MCTP2: variants seen among roughly 807,000 people sequenced by gnomAD.
The protein encoded by MCTP2 is multiple C2 and transmembrane domain containing 2, also known as multiple C2 and transmembrane domain-containing protein 2.
MCTP2 carries 132 observed loss-of-function variants against 111.6 expected under a neutral mutation model. The ratio of observed to expected loss-of-function variants is 1.18; its 90% CI spans 1.03 to 1.37. MCTP2 has a LOEUF of 1.37. MCTP2 is among the 40% of genes most tolerant of loss of function. The pLI, the probability that MCTP2 is intolerant of heterozygous loss-of-function variation, is 0.00. For synonymous variants in MCTP2, 395 were observed against 387.7 expected, an observed-to-expected ratio of 1.02 and a Z score of -0.22; for missense variants, 1,183 against 1,067.9, an observed-to-expected ratio of 1.11 and a Z score of -1.50.
intron 20 of MCTP2, among the ~76,000 whole-genome samples, chr15:94,465,146 AATT>A (rs756868159): frequency 1.4e-4 from 21 of 152,042 alleles, no homozygotes; most frequent in Non-Finnish European, 3.1e-4. Flanking sequence ...TAGATGTTAA[AATT>A]ATTATATTTT....
intron 12 of MCTP2, among the ~76,000 whole-genome samples, chr15:94,381,318 TTCTC>T (rs368569436): frequency 2.6e-5 from 4 of 152,256 alleles, no homozygotes; most frequent in East Asian, 1.9e-4. Flanking sequence ...TTCTTCTTGC[TTCTC>T]TCTGTTTATA....
intron 1 of MCTP2, among the ~76,000 whole-genome samples, chr15:94,253,044 C>A (rs1015474761): frequency 1.3e-5 from 2 of 152,166 alleles, no homozygotes; most frequent in African/African-American, 4.8e-5. Context: ...ACCTCTGCTT[C>A]CCTCAGCTGA....
chr15:94,430,227 C>G (rs1323324514), intron 17 of MCTP2, among the ~76,000 whole-genome samples: 2 of 152,152 alleles, frequency 1.3e-5, no homozygotes. Flanking sequence ...TAGCAACTCC[C>G]TTAGAATAAA....
At chr15:94,380,980 C>T (rs2080104142) in intron 12 of MCTP2, among the ~76,000 whole-genome samples, 1 of 152,174 alleles carries the variant, frequency 6.6e-6, no homozygotes, top group African/African-American at 2.4e-5. Context: ...CAATGTGAAA[C>T]TGAATTGTCA....
chr15:94,265,844 T>C (rs2152289212), intron 1 of MCTP2, among the ~76,000 whole-genome samples: 1 of 152,344 alleles, frequency 6.6e-6, no homozygotes, highest in Admixed American at 6.5e-5. Flanking sequence ...AATTAAATCC[T>C]TATTTTTTAG....
chr15:94,434,744 A>G (rs541599493), intron 17 of MCTP2, among the ~76,000 whole-genome samples: 25 of 152,246 alleles, frequency 1.6e-4, no homozygotes, highest in Admixed American at 6.5e-4. Flanking sequence ...CACCAACACT[A>G]CTACTACTTT....
chr15:94,248,424 C>T (rs571957481), intron 1 of MCTP2, among the ~76,000 whole-genome samples: 11 of 152,306 alleles, frequency 7.2e-5, no homozygotes, highest in African/African-American at 2.4e-4. Flanking sequence ...CCTTTCTTCA[C>T]ACAAACCAAG....
At chr15:94,400,441 C>T (rs1241617515) in intron 16 of MCTP2, among the ~76,000 whole-genome samples, 1 of 152,100 alleles carries the variant, frequency 6.6e-6, no homozygotes, top group Non-Finnish European at 1.5e-5. Flanking sequence ...GGGTTTCGCT[C>T]ATGACTGCTC....
At chr15:94,399,109 A>G in intron 15 of MCTP2, 47 bp downstream of exon 15, 1 of 977,420 alleles carries the variant, frequency 1.0e-6, no homozygotes, top group South Asian at 1.3e-5. Context: ...TACCTAAAAT[A>G]GAAGGTGACC....
At chr15:94,310,958 A>G (rs1229615489) in intron 2 of MCTP2, among the ~76,000 whole-genome samples, 2 of 150,818 alleles carry the variant, frequency 1.3e-5, no homozygotes, top group East Asian at 3.9e-4. Context: ...AAACAAACAA[A>G]CATAAACAAA....
intron 1 of MCTP2, among the ~76,000 whole-genome samples, chr15:94,275,069 G>A (rs894129538): frequency 5.9e-5 from 9 of 152,086 alleles, no homozygotes; most frequent in East Asian, 1.9e-4. Context: ...TCATATGATC[G>A]CTTTGAAGGT....
At position 94,356,291 on chromosome 15, in the gene MCTP2, A is replaced by C; in HGVS notation, c.1160A>C (p.Tyr387Ser). ...CAGTTAAAACTGGGAGATCAGAGGTATAAAAGTAAGGTAAGTTCCATCTTT... is the reference window on the plus strand; with the variant it reads ...CAGTTAAAACTGGGAGATCAGAGGTCTAAAAGTAAGGTAAGTTCCATCTTT... ...FVQLKLGDQR[Y>S]KSKTLCKSAN... The change falls in exon 9 of 23, where the codon TAT becomes TCT. Residue 387 changes from tyrosine to serine, a missense_variant. Physicochemically the swap from Tyr to Ser is moderately radical, Grantham distance 144. Coordinates refer to ENST00000357742, the MANE Select transcript of MCTP2 (RefSeq NM_001385001.1). The C allele has an allele frequency of 6.2e-7, 1 of 1,604,788 alleles. No homozygotes were observed. Among genetic ancestry groups the C allele is most frequent in the Non-Finnish European group, 8.5e-7 (1 of 1,176,034 alleles).
chr15:94,430,261 A>G (rs1282968851), intron 17 of MCTP2, among the ~76,000 whole-genome samples: 3 of 152,124 alleles, frequency 2.0e-5, no homozygotes, highest in Non-Finnish European at 4.4e-5. Context: ...ACAGCCATCA[A>G]CCAGGCCCCT....
rs562166986 is a variant in MCTP2 at position 94,356,354 on chromosome 15, T to A, written c.1170+53T>A. 42 of 1,422,326 alleles carry A rather than the reference T, an allele frequency of 3.0e-5. No individual in the cohort carries two copies. In the African/African-American group the frequency reaches 3.8e-4, roughly 13 times the overall value. 88.1% of individuals were successfully genotyped at this position (1,422,326 alleles called of 1,614,324 possible). On this transcript the variant is annotated intron_variant, in intron 9 of 22. Transcript: ENST00000357742. ...ACAGTATCTTTAAAATAAAAAAAAA[T>A]TAAAAATTGTTTCCCACTTTAAATT...
intron 4 of MCTP2, among the ~76,000 whole-genome samples, chr15:94,321,969 C>G (rs780304302): frequency 2.0e-5 from 3 of 152,198 alleles, no homozygotes; most frequent in Non-Finnish European, 4.4e-5. Flanking sequence ...AAAGCCTGCA[C>G]CCTCATTGTC....
rs375667731 is a variant in MCTP2, at chr15:94,442,497, T to C, written c.2209-422T>C. On this transcript the variant is annotated intron_variant, in intron 18 of 22. Coordinates refer to ENST00000357742, the MANE Select transcript of MCTP2 (RefSeq NM_001385001.1). The stretch of plus-strand genomic sequence containing the variant: ...ATATTCAGACTAATGCATTTTATAC[T>C]GTCTGATGTTTCAGTAATGGCCCCA... 1.8e-4 allele frequency among the ~76,000 whole-genome samples: 28 copies of C among 152,352 alleles called. No homozygotes were observed. In the South Asian group the frequency reaches 5.6e-3, roughly 30 times the overall value.
chr15:94,279,110 G>A (rs150928955), intron 1 of MCTP2, among the ~76,000 whole-genome samples: 1 of 151,970 alleles, frequency 6.6e-6, no homozygotes, highest in East Asian at 1.9e-4. Context: ...TCTCTTTTTT[G>A]GTTTCATAGG....
chr15:94,451,681 G>A (rs1207068744), intron 19 of MCTP2, among the ~76,000 whole-genome samples: 1 of 152,212 alleles, frequency 6.6e-6, no homozygotes, highest in African/African-American at 2.4e-5. Context: ...GTAATGTTGT[G>A]TTTGCTAAAC....
intron 2 of MCTP2, among the ~76,000 whole-genome samples, chr15:94,311,984 G>A (rs532833411): frequency 6.6e-6 from 1 of 152,208 alleles, no homozygotes; most frequent in African/African-American, 2.4e-5. Flanking sequence ...ATTATCCTTG[G>A]CTAATGACAT....
Sources: gnomAD v4.1 joint callset for allele counts (sites outside exome capture counted in the v4.1 genomes callset) on GRCh38, gnomAD v4.1.1 for gene constraint, MANE v1.5 for transcripts, NCBI Gene and HGNC (gene_info 2026-07-23, HGNC 2026-07-21) for gene names.